The following GALNTL6 variants were observed in gnomAD, a reference collection of about 807,000 sequenced individuals.
GALNTL6 encodes polypeptide N-acetylgalactosaminyltransferase-like 6.
Under a neutral mutation model 73.7 loss-of-function variants are expected in GALNTL6, and 46 were observed. That is an observed-to-expected ratio of 0.62 (90% CI 0.49 to 0.80). The LOEUF is 0.80. Among genes scored for constraint, GALNTL6 ranks in the 30% least tolerant of loss-of-function variants. The pLI, the probability that GALNTL6 is intolerant of heterozygous loss-of-function variation, is 0.00. For missense variants in GALNTL6, 604 were observed against 755.0 expected (o/e 0.80, Z 2.34); for synonymous variants, 259 against 263.7 (o/e 0.98, Z 0.17).
intron 2 of GALNTL6, among the ~76,000 whole-genome samples, chr4:172,018,612 A>G (rs964924471): frequency 6.6e-6 from 1 of 152,078 alleles, no homozygotes; most frequent in Non-Finnish European, 1.5e-5. Context: ...TAAAACTCAG[A>G]ACAGCCCCAG....
At chr4:172,060,629 T>C (rs1731171451) in intron 2 of GALNTL6, among the ~76,000 whole-genome samples, 1 of 152,118 alleles carries the variant, frequency 6.6e-6, no homozygotes, top group African/African-American at 2.4e-5. Context: ...AAACATCTTA[T>C]TGTCTTTTAA....
At chr4:172,965,428 A>G (rs1750276799) in intron 10 of GALNTL6, among the ~76,000 whole-genome samples, 1 of 151,832 alleles carries the variant, frequency 6.6e-6, no homozygotes. Context: ...CTAAAAATAC[A>G]AAAAATTAGC....
At chr4:171,903,408 TC>T (rs1172622864) in intron 2 of GALNTL6, among the ~76,000 whole-genome samples, 1 of 151,984 alleles carries the variant, frequency 6.6e-6, no homozygotes, top group Non-Finnish European at 1.5e-5. Context: ...ATCGGGTCAC[TC>T]CCACCCAAAT....
intron 5 of GALNTL6, among the ~76,000 whole-genome samples, chr4:172,621,821 A>T (rs965041439): frequency 6.6e-6 from 1 of 152,126 alleles, no homozygotes; most frequent in Non-Finnish European, 1.5e-5. Flanking sequence ...TACTCTGCCG[A>T]TATTATATAT....
chr4:172,149,513 C>T (rs965138796), intron 2 of GALNTL6, among the ~76,000 whole-genome samples: 1 of 152,068 alleles, frequency 6.6e-6, no homozygotes, highest in Non-Finnish European at 1.5e-5. Context: ...CAATCCACTC[C>T]AGTATGCCAT....
intron 2 of GALNTL6, among the ~76,000 whole-genome samples, chr4:172,102,776 C>T (rs961401306): frequency 2.8e-4 from 42 of 152,146 alleles, no homozygotes; most frequent in Middle Eastern, 3.2e-3. Flanking sequence ...TGACACTTCT[C>T]GCTAGGGAAT....
intron 5 of GALNTL6, among the ~76,000 whole-genome samples, chr4:172,542,678 T>C (rs337995): frequency 0.12 from 17,558 of 152,206 alleles, 1,085 homozygotes; most frequent in East Asian, 0.25. Flanking sequence ...ACTTTGTTTT[T>C]CGGGTTTCTC....
rs527419387 is a variant in GALNTL6, at chr4:172,843,367, T to C, written c.923+29644T>C. Among the ~76,000 whole-genome samples, 2 of 152,200 alleles carry C rather than the reference T, an allele frequency of 1.3e-5. 1 individual carries two copies. The highest frequency in any genetic ancestry group is 2.9e-5 in the Non-Finnish European group (2 of 68,044). ...TGATATTTGAGAGTGGCTTCGGTAA[T>C]GGCTGCTGTAAGGCCTCTCATGATC... On this transcript the variant is annotated intron_variant, in intron 7 of 12. Coordinates refer to ENST00000506823, the MANE Select transcript of GALNTL6 (RefSeq NM_001034845.3).
At chr4:172,931,864 C>T (rs1278487203) in intron 9 of GALNTL6, among the ~76,000 whole-genome samples, 2 of 152,200 alleles carry the variant, frequency 1.3e-5, no homozygotes, top group Non-Finnish European at 2.9e-5. Context: ...AGATGCTCTT[C>T]TCTTCTGCCG....
intron 2 of GALNTL6, among the ~76,000 whole-genome samples, chr4:171,958,666 A>G (rs564302917): frequency 2.6e-5 from 4 of 152,230 alleles, no homozygotes; most frequent in African/African-American, 7.2e-5. Flanking sequence ...CATTACTCCC[A>G]TATCAACTAT....
chr4:172,700,001 A>G (rs1579357796), intron 5 of GALNTL6, among the ~76,000 whole-genome samples: 1 of 152,302 alleles, frequency 6.6e-6, no homozygotes, highest in Non-Finnish European at 1.5e-5. Context: ...TTTACAAATG[A>G]TACCAAGAAA....
intron 3 of GALNTL6, among the ~76,000 whole-genome samples, chr4:172,304,470 A>G (rs1164377179): frequency 1.3e-5 from 2 of 151,704 alleles, no homozygotes; most frequent in East Asian, 3.9e-4. Context: ...TGTCCTGGGT[A>G]TGCTGGTTTA....
chr4:172,350,445 A>G (rs1325145722), intron 5 of GALNTL6, among the ~76,000 whole-genome samples: 3 of 152,148 alleles, frequency 2.0e-5, no homozygotes, highest in Admixed American at 2.0e-4. Flanking sequence ...TCTGTATGTC[A>G]TGTTAGATGG....
chr4:172,448,553 A>C (rs1427929952), intron 5 of GALNTL6, among the ~76,000 whole-genome samples: 3 of 152,186 alleles, frequency 2.0e-5, no homozygotes, highest in Non-Finnish European at 4.4e-5. Context: ...TAAAATCAGA[A>C]CAAGAAAAAA....
In GALNTL6 at chr4:172,813,548, G is replaced by T. The variant is rs746775508; in HGVS notation, c.748G>T (p.Ala250Ser). 5.0e-6 allele frequency: 8 copies of T among 1,599,632 alleles called. No homozygotes were observed. Among genetic ancestry groups the T allele is most frequent in the Non-Finnish European group, 6.8e-6 (8 of 1,168,734 alleles). ...NWLPPLLNQI[A>S]LNHKTIVCPM... Reference sequence around the variant, plus strand: ...GTGCTTTCATTTTTCAGACCAAATTGCACTAAACCACAAAACCATCGTGTG... The same window carrying T: ...GTGCTTTCATTTTTCAGACCAAATTTCACTAAACCACAAAACCATCGTGTG... The change falls in exon 7 of 13, where the codon GCA (alanine) becomes TCA (serine). Residue 250 changes from alanine (A) to serine (S), a missense_variant. Around this residue, in one of 5 missense-constraint regions of GALNTL6, gnomAD observed 179 missense variants for 230.8 expected, o/e 0.78. Transcript: ENST00000506823.
chr4:171,822,443 G>A (rs1166849752), intron 2 of GALNTL6, among the ~76,000 whole-genome samples: 2 of 152,094 alleles, frequency 1.3e-5, no homozygotes, highest in Admixed American at 6.6e-5. Context: ...TCCACACGTG[G>A]AAACACAAAA....
chr4:171,837,261 G>A (rs913278382), intron 2 of GALNTL6, among the ~76,000 whole-genome samples: 3 of 152,178 alleles, frequency 2.0e-5, no homozygotes, highest in African/African-American at 7.2e-5. Context: ...AGAAGGGTTG[G>A]CATCAGGAAA....
intron 2 of GALNTL6, among the ~76,000 whole-genome samples, chr4:171,833,012 T>C (rs562833971): frequency 2.6e-5 from 4 of 151,906 alleles, no homozygotes; most frequent in African/African-American, 4.8e-5. Flanking sequence ...TTTTAATCAA[T>C]ATAAAATATC....
intron 10 of GALNTL6, among the ~76,000 whole-genome samples, chr4:172,994,838 A>C (rs1751704343): frequency 6.6e-6 from 1 of 152,186 alleles, no homozygotes; most frequent in Admixed American, 6.5e-5. Context: ...TCATATCCTC[A>C]GAACCAGTCC....
Sources: gnomAD v4.1 joint callset for allele counts (sites outside exome capture counted in the v4.1 genomes callset) on GRCh38, gnomAD v4.1.1 for gene constraint, gnomAD v4.1.1 regional missense constraint, MANE v1.5 for transcripts, NCBI Gene and HGNC (gene_info 2026-07-23, HGNC 2026-07-21) for gene names.